The following GPHN variants were observed in gnomAD, a reference collection of about 807,000 sequenced individuals.
GPHN encodes the protein gephyrin.
In GPHN, 17 loss-of-function variants were observed where a neutral mutation model predicts 95.5. That is an observed-to-expected ratio of 0.18 (90% CI 0.12 to 0.27). GPHN has a LOEUF of 0.27. GPHN is among the 10% of genes least tolerant of loss of function. The pLI is 1.00. For synonymous variants in GPHN, 320 were observed against 322.5 expected, an observed-to-expected ratio of 0.99 and a Z score of 0.08; for missense variants, 660 against 978.1, an observed-to-expected ratio of 0.67 and a Z score of 4.34.
chr14:67,455,042 G>A, the GPHN span, among the ~76,000 whole-genome samples: 1 of 152,142 alleles, frequency 6.6e-6, no homozygotes, highest in Non-Finnish European at 1.5e-5. Flanking sequence ...TAGAGACGGG[G>A]TTTCACCATG....
At chr14:66,766,732 A>T (rs2058973746) in intron 2 of GPHN, among the ~76,000 whole-genome samples, 1 of 152,130 alleles carries the variant, frequency 6.6e-6, no homozygotes, top group Non-Finnish European at 1.5e-5. Context: ...AGGAAGCAAG[A>T]TAAATTTTAT....
the GPHN span, among the ~76,000 whole-genome samples, chr14:67,224,262 T>TC: frequency 8.4e-6 from 1 of 119,662 alleles, no homozygotes; most frequent in African/African-American, 5.4e-5. Context: ...CTCTTTTCTT[T>TC]TTTTTTTTTT....
chr14:67,566,772 G>A, the GPHN span, among the ~76,000 whole-genome samples: 1 of 151,102 alleles, frequency 6.6e-6, no homozygotes, highest in East Asian at 2.0e-4. Flanking sequence ...AAAAGAGTGG[G>A]TCTTCTCTAT....
At chr14:66,815,383 A>G (rs2060920909) in intron 3 of GPHN, among the ~76,000 whole-genome samples, 1 of 152,202 alleles carries the variant, frequency 6.6e-6, no homozygotes, top group South Asian at 2.1e-4. Flanking sequence ...CCCAAGTAAA[A>G]ATGAAAGAAA....
At chr14:67,538,431 G>A in the GPHN span, among the ~76,000 whole-genome samples, 1 of 152,156 alleles carries the variant, frequency 6.6e-6, no homozygotes, top group African/African-American at 2.4e-5. Context: ...AATAACACAT[G>A]CGTCGCAATG....
intron 11 of GPHN, among the ~76,000 whole-genome samples, chr14:67,071,322 T>C (rs888359263): frequency 6.6e-6 from 1 of 152,198 alleles, no homozygotes; most frequent in African/African-American, 2.4e-5. Flanking sequence ...GATGAGTTCA[T>C]GTTCTTTGTA....
chr14:67,505,435 C>G, the GPHN span, among the ~76,000 whole-genome samples: 1 of 152,198 alleles, frequency 6.6e-6, no homozygotes, highest in Non-Finnish European at 1.5e-5. Context: ...GTGGGACACA[C>G]GTTGGCCATC....
the GPHN span, among the ~76,000 whole-genome samples, chr14:67,228,897 A>T: frequency 6.7e-6 from 1 of 148,626 alleles, no homozygotes; most frequent in Non-Finnish European, 1.5e-5. Flanking sequence ...CAAACAGGTT[A>T]AAAAAAATCC....
At chr14:67,427,566 C>T in the GPHN span, among the ~76,000 whole-genome samples, 1 of 152,168 alleles carries the variant, frequency 6.6e-6, no homozygotes, top group East Asian at 1.9e-4. Flanking sequence ...CTCTACCCAC[C>T]GGCTTCCCAC....
intron 10 of GPHN, among the ~76,000 whole-genome samples, chr14:67,050,726 C>T (rs528122450): frequency 4.6e-4 from 70 of 152,220 alleles, no homozygotes; most frequent in East Asian, 1.9e-4. Context: ...GAGGCTCCCA[C>T]GTAGAAGAAT....
At chr14:67,627,256 GATAT>G in the GPHN span, among the ~76,000 whole-genome samples, 15,881 of 133,714 alleles carry the variant, frequency 0.12, 976 homozygotes, top group East Asian at 0.15. Context: ...TCAGTAAGGA[GATAT>G]ATATATATAT....
chr14:67,301,423 A>C, the GPHN span: 1 of 1,610,728 alleles, frequency 6.2e-7, no homozygotes, highest in South Asian at 1.1e-5. Flanking sequence ...CATCATAAGG[A>C]AGGACAAGAA....
the GPHN span, chr14:67,585,392 G>A: frequency 3.4e-6 from 2 of 582,426 alleles, no homozygotes; most frequent in Non-Finnish European, 6.1e-6. Flanking sequence ...CCTGTCACAA[G>A]CAGCCTTGTC....
At chr14:66,677,195 A>C (rs535520214) in intron 1 of GPHN, among the ~76,000 whole-genome samples, 1 of 151,928 alleles carries the variant, frequency 6.6e-6, no homozygotes, top group Non-Finnish European at 1.5e-5. Flanking sequence ...TAGTCTAGCT[A>C]CTGGTTTGTA....
intron 2 of GPHN, among the ~76,000 whole-genome samples, chr14:66,752,692 T>A (rs2058412215): frequency 1.3e-5 from 2 of 152,028 alleles, no homozygotes; most frequent in East Asian, 3.8e-4. Context: ...CGAGAATTAC[T>A]AAAACGTGAC....
chr14:67,656,599 G>A, the GPHN span: 2 of 1,591,974 alleles, frequency 1.3e-6, no homozygotes, highest in African/African-American at 1.4e-5. Flanking sequence ...TCTGAAAGAA[G>A]TATGGAAGAG....
chr14:67,582,906 T>C, the GPHN span, among the ~76,000 whole-genome samples: 1 of 152,176 alleles, frequency 6.6e-6, no homozygotes, highest in South Asian at 2.1e-4. The surrounding 1 kb of genome is among the most constrained non-coding windows in gnomAD (Gnocchi z 5.0). Flanking sequence ...CTAAGTATGA[T>C]ACCTGGATAA....
intron 12 of GPHN, among the ~76,000 whole-genome samples, chr14:67,090,459 C>T (rs1425352852): frequency 2.0e-5 from 3 of 152,010 alleles, no homozygotes; most frequent in Non-Finnish European, 4.4e-5. Context: ...TTTAAAATTA[C>T]CTACCTTTTG....
At chr14:66,660,078 G>T (rs911381694) in intron 1 of GPHN, among the ~76,000 whole-genome samples, 3 of 151,244 alleles carry the variant, frequency 2.0e-5, no homozygotes, top group Admixed American at 1.3e-4. Context: ...TTTTCTAGTG[G>T]TTGTTTATTG....
Sources: gnomAD v4.1 joint callset for allele counts (sites outside exome capture counted in the v4.1 genomes callset) on GRCh38, gnomAD v4.1.1 for gene constraint, Gnocchi (gnomAD v3.1) non-coding constraint, MANE v1.5 for transcripts, NCBI Gene and HGNC (gene_info 2026-07-23, HGNC 2026-07-21) for gene names.